Variants in ASTN2 observed in about 807,000 individuals in gnomAD.
ASTN2 encodes astrotactin-2.
A neutral mutation model predicts 139.8 loss-of-function variants in ASTN2; 54 were observed. That is an observed-to-expected ratio of 0.39 (90% CI 0.31 to 0.48). The LOEUF (loss-of-function observed/expected upper bound fraction) is 0.48. Ranked by LOEUF, ASTN2 falls within the 20% of genes least tolerant of loss-of-function variation. The probability of loss-of-function intolerance (pLI) is 0.95; values close to 1 mark genes in which losing one functional copy is unlikely to be tolerated. For missense variants in ASTN2, 1,565 were observed against 1,725.1 expected, an observed-to-expected ratio of 0.91 and a Z score of 1.64; for synonymous variants, 756 against 719.5, an observed-to-expected ratio of 1.05 and a Z score of -0.81.
intron 2 of ASTN2, among the ~76,000 whole-genome samples, chr9:117,250,217 A>G (rs139081963): frequency 6.6e-6 from 1 of 152,346 alleles, no homozygotes; most frequent in Non-Finnish European, 1.5e-5. Context: ...GCTAGGCATC[A>G]GAAGACTGGG....
chr9:116,967,611 C>A (rs1223728475), intron 10 of ASTN2, among the ~76,000 whole-genome samples: 1 of 152,220 alleles, frequency 6.6e-6, no homozygotes, highest in Non-Finnish European at 1.5e-5. Context: ...AACACGCATG[C>A]ACTCATTAAT....
intron 13 of ASTN2, among the ~76,000 whole-genome samples, chr9:116,766,203 G>A (rs1829803295): frequency 1.3e-5 from 2 of 151,738 alleles, no homozygotes; most frequent in South Asian, 4.2e-4. Flanking sequence ...ACCCCCACTG[G>A]GCCAAACTTG....
At chr9:116,454,150 A>C (rs1416031662) in intron 20 of ASTN2, among the ~76,000 whole-genome samples, 1 of 152,210 alleles carries the variant, frequency 6.6e-6, no homozygotes, top group African/African-American at 2.4e-5. Context: ...TGAATTCTAT[A>C]AGGTGGTGTT....
chr9:116,848,283 T>C (rs1410019368), intron 11 of ASTN2, among the ~76,000 whole-genome samples: 1 of 152,214 alleles, frequency 6.6e-6, no homozygotes, highest in African/African-American at 2.4e-5. Flanking sequence ...CCTCATGTCC[T>C]ATTACTTCTC....
chr9:117,031,776 C>T (rs1037720385), intron 6 of ASTN2, among the ~76,000 whole-genome samples: 2 of 151,910 alleles, frequency 1.3e-5, no homozygotes, highest in African/African-American at 2.4e-5. Flanking sequence ...AATTTAAGAG[C>T]CAATATATGG....
At chr9:117,147,466 C>T (rs566292564) in intron 3 of ASTN2, among the ~76,000 whole-genome samples, 4 of 146,966 alleles carry the variant, frequency 2.7e-5, no homozygotes, top group African/African-American at 1.1e-4. Context: ...CACACACACC[C>T]CCGTTATCCA....
intron 5 of ASTN2, among the ~76,000 whole-genome samples, chr9:117,051,131 TACA>T (rs150487229): frequency 0.018 from 2,677 of 152,186 alleles, 74 homozygotes; most frequent in African/African-American, 0.061. Context: ...GAGATTTAAC[TACA>T]ACAAGTCACA....
chr9:116,730,238 G>A (rs1022544635), intron 14 of ASTN2, among the ~76,000 whole-genome samples: 1 of 152,110 alleles, frequency 6.6e-6, no homozygotes. Context: ...CTGGTGAGTA[G>A]GCACTTAAAG....
chr9:116,953,630 A>G (rs1168317738), intron 10 of ASTN2, among the ~76,000 whole-genome samples: 1 of 152,186 alleles, frequency 6.6e-6, no homozygotes, highest in Non-Finnish European at 1.5e-5. Flanking sequence ...CCTAAAGAAT[A>G]TTTGATTTTT....
At chr9:116,533,136 T>C (rs1851436983) in intron 19 of ASTN2, among the ~76,000 whole-genome samples, 1 of 152,164 alleles carries the variant, frequency 6.6e-6, no homozygotes. Context: ...TGAATGGGAG[T>C]TCACTTATGA....
chr9:116,497,024 G>T (rs1849690049), intron 19 of ASTN2, among the ~76,000 whole-genome samples: 1 of 152,146 alleles, frequency 6.6e-6, no homozygotes, highest in Non-Finnish European at 1.5e-5. Context: ...CTTCACCCAG[G>T]AGTGTTATTT....
chr9:117,084,308 AT>A (rs1373260288), intron 5 of ASTN2, among the ~76,000 whole-genome samples: 1 of 152,198 alleles, frequency 6.6e-6, no homozygotes, highest in Non-Finnish European at 1.5e-5. Flanking sequence ...GAAAGCCTGT[AT>A]AAACTACCAG....
chr9:116,913,063 A>G (rs572080587), intron 10 of ASTN2, among the ~76,000 whole-genome samples: 1 of 152,140 alleles, frequency 6.6e-6, no homozygotes, highest in South Asian at 2.1e-4. Context: ...GCCACGACAC[A>G]TGGCTAATTT....
intron 19 of ASTN2, chr9:116,547,307 A>T (rs1852139791): frequency 6.6e-6 from 1 of 152,224 alleles, no homozygotes; most frequent in Non-Finnish European, 1.5e-5. Flanking sequence ...TTTGATACCC[A>T]CACCAGTCAT....
Position 116,565,373 on chromosome 9 carries a change from CTCTCTCTCTCTCTCCATATA to C in ASTN2, c.3355+52931_3355+52950del, listed in dbSNP as rs1211242873. On this transcript the variant is annotated intron_variant, in intron 19 of 22. Coordinates refer to ENST00000313400, the MANE Select transcript of ASTN2 (RefSeq NM_001365068.1). ...TGTTTCTCTCTCTCTCTCTCTCTCT[CTCTCTCTCTCTCTCCATATA>C]TATATATATATATATATATATATAT... is the stretch of plus-strand genomic sequence containing the variant. 3.4e-4 allele frequency among the ~76,000 whole-genome samples: 10 copies of C among 29,234 alleles called. 1 individual carries two copies. In the East Asian group the frequency reaches 8.0e-3, roughly 23 times the overall value. The allele number at this position is 29,234 out of a possible 152,430, so 19.2% of individuals were successfully genotyped here. A position where few individuals can be genotyped will look rare whatever the true frequency, so the allele number is the denominator to read the frequency against.
chr9:116,921,427 A>C (rs970270097), intron 10 of ASTN2, among the ~76,000 whole-genome samples: 2 of 152,082 alleles, frequency 1.3e-5, no homozygotes, highest in Non-Finnish European at 2.9e-5. Flanking sequence ...TCTGTACTAA[A>C]AATACAAAAA....
intron 16 of ASTN2, among the ~76,000 whole-genome samples, chr9:116,685,903 T>C (rs975284828): frequency 6.6e-6 from 1 of 151,980 alleles, no homozygotes; most frequent in Non-Finnish European, 1.5e-5. Context: ...ATAATATGTA[T>C]ATATGTAAGA....
At chr9:116,642,561 T>C (rs1194408759) in intron 17 of ASTN2, among the ~76,000 whole-genome samples, 1 of 152,108 alleles carries the variant, frequency 6.6e-6, no homozygotes, top group Non-Finnish European at 1.5e-5. Context: ...TAACTGACAC[T>C]GACCCTCTTA....
chr9:117,201,334 G>A (rs556066240), intron 3 of ASTN2, among the ~76,000 whole-genome samples: 2 of 151,952 alleles, frequency 1.3e-5, no homozygotes, highest in East Asian at 3.9e-4. Flanking sequence ...CTCTGGATTC[G>A]TTCAGTTTTT....
Sources: gnomAD v4.1 joint callset for allele counts (sites outside exome capture counted in the v4.1 genomes callset) on GRCh38, gnomAD v4.1.1 for gene constraint, MANE v1.5 for transcripts, NCBI Gene and HGNC (gene_info 2026-07-23, HGNC 2026-07-21) for gene names.